SLC35G2: variants seen among roughly 807,000 people sequenced by gnomAD.
The protein encoded by SLC35G2 is solute carrier family 35 member G2.
In SLC35G2, 20 loss-of-function variants were observed where a neutral mutation model predicts 27.2. The ratio of observed to expected loss-of-function variants is 0.74; its 90% CI spans 0.52 to 1.07. SLC35G2 has a LOEUF of 1.07. Ranked by LOEUF, SLC35G2 falls within the 50% of genes least tolerant of loss-of-function variation. The pLI, the probability that SLC35G2 is intolerant of heterozygous loss-of-function variation, is 0.00. For missense variants in SLC35G2, 416 were observed against 493.3 expected, an observed-to-expected ratio of 0.84 and a Z score of 1.48; for synonymous variants, 148 against 165.3, an observed-to-expected ratio of 0.90 and a Z score of 0.80.
At chr3:136,830,499 G>A (rs1936702496) in intron 1 of SLC35G2, among the ~76,000 whole-genome samples, 1 of 152,098 alleles carries the variant, frequency 6.6e-6, no homozygotes, top group Non-Finnish European at 1.5e-5. Flanking sequence ...TAGCCAGGAT[G>A]GTCTCAATCT....
At chr3:136,843,521 C>G (rs1295073230) in intron 1 of SLC35G2, among the ~76,000 whole-genome samples, 1 of 151,666 alleles carries the variant, frequency 6.6e-6, no homozygotes, top group African/African-American at 2.4e-5. Flanking sequence ...TGGCACACAC[C>G]TATAATCCCA....
intron 1 of SLC35G2, chr3:136,819,845 T>C (rs947433340): frequency 2.0e-5 from 3 of 152,206 alleles, no homozygotes; most frequent in African/African-American, 7.2e-5. Context: ...CAAGGGTTAG[T>C]GGAGGAAGGG....
chr3:136,851,381 CCAGCTACTCGG>C (rs1158362446), intron 1 of SLC35G2, among the ~76,000 whole-genome samples: 1 of 150,546 alleles, frequency 6.6e-6, no homozygotes, highest in Non-Finnish European at 1.5e-5. Flanking sequence ...CCTGTAGTTC[CCAGCTACTCGG>C]GAGGCTGAGG....
intron 1 of SLC35G2, among the ~76,000 whole-genome samples, chr3:136,832,649 A>T (rs1403559742): frequency 6.6e-6 from 1 of 152,228 alleles, no homozygotes; most frequent in Admixed American, 6.5e-5. Context: ...ATACTGACTG[A>T]ATAAAGGAAT....
At chr3:136,835,128 T>C (rs1447986290) in intron 1 of SLC35G2, among the ~76,000 whole-genome samples, 2 of 152,216 alleles carry the variant, frequency 1.3e-5, no homozygotes, top group Non-Finnish European at 2.9e-5. Context: ...CATTCAAAAT[T>C]TGTCATTTGT....
chr3:136,827,642 T>G (rs1375992763), intron 1 of SLC35G2, among the ~76,000 whole-genome samples: 2 of 152,200 alleles, frequency 1.3e-5, no homozygotes, highest in Non-Finnish European at 2.9e-5. Flanking sequence ...TCTCATAGCT[T>G]TTGGTGTGTT....
chr3:136,850,199 G>C (rs1204784339), intron 1 of SLC35G2, among the ~76,000 whole-genome samples: 7 of 152,206 alleles, frequency 4.6e-5, no homozygotes, highest in Non-Finnish European at 7.3e-5. Context: ...AACATATTGA[G>C]ATATTGGATC....
chr3:136,852,602 C>G (rs1393669711), intron 1 of SLC35G2, among the ~76,000 whole-genome samples: 1 of 151,128 alleles, frequency 6.6e-6, no homozygotes, highest in Non-Finnish European at 1.5e-5. Context: ...AAGCAGTTCT[C>G]CTACCTCAGC....
rs181418869 is a variant in SLC35G2, at chr3:136,823,825, C to T, written c.-19+4197C>T. Among the ~76,000 whole-genome samples the T allele has an allele frequency of 4.5e-3, 672 of 150,986 alleles. 4 individuals are homozygous for T. Among genetic ancestry groups the T allele is most frequent in the Non-Finnish European group, 8.2e-3 (558 of 67,784 alleles). ...TTCAGCATGTTGGTTAGGCTGGTCT[C>T]GAACTCCTGACCTTGTGATCCACCC... On this transcript the variant is annotated intron_variant, in intron 1 of 1. Transcript: ENST00000446465.
chr3:136,847,315 G>A (rs1937428769), intron 1 of SLC35G2, among the ~76,000 whole-genome samples: 1 of 152,180 alleles, frequency 6.6e-6, no homozygotes, highest in Non-Finnish European at 1.5e-5. Flanking sequence ...TGGACTCTAA[G>A]TCCCAAAATG....
At chr3:136,824,063 C>T (rs113933436) in intron 1 of SLC35G2, among the ~76,000 whole-genome samples, 5 of 152,218 alleles carry the variant, frequency 3.3e-5, no homozygotes, top group African/African-American at 9.6e-5. Flanking sequence ...GTTCTCTATT[C>T]TGTGTCATGG....
chr3:136,855,289 T>C lies in SLC35G2; in HGVS notation c.829T>C (p.Ser277Pro), dbSNP rs1275220744. Residue 277 changes from serine (S) to proline (P), a missense_variant, in exon 2 of 2, where the codon TCC becomes CCC. By Grantham distance (74) the Ser-to-Pro change is moderately conservative. Coordinates refer to ENST00000446465, the MANE Select transcript of SLC35G2 (RefSeq NM_025246.3). The part of the protein sequence containing the change: ...TTALSMIVYR[S>P]IKEKISMWTA... ...TGCTCTCTCAATGATAGTATACAGA[T>C]CCATCAAGGAGAAGATCAGCATGTG... 6.2e-7 allele frequency: 1 copy of C among 1,614,168 alleles called. No homozygotes were observed. The highest frequency in any genetic ancestry group is 1.7e-5 in the Admixed American group (1 of 60,022).
intron 1 of SLC35G2, among the ~76,000 whole-genome samples, chr3:136,825,853 T>G (rs921074017): frequency 2.0e-5 from 3 of 152,160 alleles, no homozygotes; most frequent in African/African-American, 7.2e-5. Flanking sequence ...GATATTGGCC[T>G]GTAGTTTTCT....
At chr3:136,844,664 G>A (rs1366944622) in intron 1 of SLC35G2, among the ~76,000 whole-genome samples, 1 of 151,400 alleles carries the variant, frequency 6.6e-6, no homozygotes, top group Non-Finnish European at 1.5e-5. Context: ...GCTGGGCATG[G>A]TGGCTAACAC....
intron 1 of SLC35G2, among the ~76,000 whole-genome samples, chr3:136,847,789 C>T (rs1444877038): frequency 1.3e-5 from 2 of 151,906 alleles, no homozygotes; most frequent in African/African-American, 2.4e-5. Flanking sequence ...GCCAACATGG[C>T]GAAACCCCAC....
At chr3:136,850,534 G>A (rs6766755) in intron 1 of SLC35G2, among the ~76,000 whole-genome samples, 103,443 of 151,968 alleles carry the variant, frequency 0.68, 35,478 homozygotes, top group East Asian at 0.87. Flanking sequence ...AAGCCAAGCT[G>A]GTTTCTATCC....
intron 1 of SLC35G2, among the ~76,000 whole-genome samples, chr3:136,841,428 A>T (rs2108014221): frequency 6.6e-6 from 1 of 152,234 alleles, no homozygotes; most frequent in South Asian, 2.1e-4. Context: ...CAATAATGTG[A>T]ATATAAATAT....
At chr3:136,832,105 C>A (rs1364786222) in intron 1 of SLC35G2, among the ~76,000 whole-genome samples, 1 of 152,044 alleles carries the variant, frequency 6.6e-6, no homozygotes, top group Non-Finnish European at 1.5e-5. Flanking sequence ...GCTCTGCCTC[C>A]CGGGTTCATG....
At chr3:136,852,813 G>A (rs1017220146) in intron 1 of SLC35G2, among the ~76,000 whole-genome samples, 1 of 151,902 alleles carries the variant, frequency 6.6e-6, no homozygotes, top group Non-Finnish European at 1.5e-5. Context: ...TTTTTAAGCG[G>A]GAGGAGAGGA....
Sources: allele counts gnomAD v4.1 joint callset (sites outside exome capture counted in the v4.1 genomes callset), GRCh38; gene constraint gnomAD v4.1.1; transcripts MANE v1.5; gene names NCBI Gene and HGNC (gene_info 2026-07-23, HGNC 2026-07-21).